The following CELF2 variants were observed in gnomAD, a reference collection of about 807,000 sequenced individuals.
CELF2 encodes the protein CUGBP Elav-like family member 2.
In CELF2, 8 loss-of-function variants were observed where a neutral mutation model predicts 62.6. The ratio of observed to expected loss-of-function variants is 0.13; its 90% CI spans 0.07 to 0.23. The LOEUF (loss-of-function observed/expected upper bound fraction) is 0.23. Among genes scored for constraint, CELF2 ranks in the 10% least tolerant of loss-of-function variants. CELF2 has a pLI of 1.00. For synonymous variants in CELF2, 258 were observed against 250.0 expected (o/e 1.03, Z -0.30); for missense variants, 333 against 671.0 (o/e 0.50, Z 5.56).
chr10:10,830,476 A>T (rs1041056228), intron 1 of CELF2, among the ~76,000 whole-genome samples: 5 of 152,156 alleles, frequency 3.3e-5, no homozygotes, highest in African/African-American at 1.2e-4. Context: ...GTCACCCATA[A>T]TGAAGCCAAG....
intron 1 of CELF2, among the ~76,000 whole-genome samples, chr10:10,910,729 A>C (rs957553583): frequency 8.6e-5 from 13 of 151,852 alleles, no homozygotes; most frequent in Non-Finnish European, 1.8e-4. Context: ...AGAAAAGAAA[A>C]GAAAAAGAAA....
chr10:10,588,832 T>C, the CELF2 span, among the ~76,000 whole-genome samples: 3 of 152,208 alleles, frequency 2.0e-5, no homozygotes, highest in Non-Finnish European at 4.4e-5. Flanking sequence ...CTCTATCCTA[T>C]TCTGGTGTGG....
intron 2 of CELF2, among the ~76,000 whole-genome samples, chr10:11,180,445 C>G (rs1181328783): frequency 6.6e-6 from 1 of 152,134 alleles, no homozygotes; most frequent in South Asian, 2.1e-4. Flanking sequence ...TCAGTGAGGT[C>G]GTGGAGGCAG....
At chr10:10,691,540 G>C in the CELF2 span, among the ~76,000 whole-genome samples, 1 of 151,908 alleles carries the variant, frequency 6.6e-6, no homozygotes, top group African/African-American at 2.4e-5. Context: ...GATGGGCTGG[G>C]TCAAATGGTA....
At chr10:10,757,103 C>T in the CELF2 span, among the ~76,000 whole-genome samples, 1 of 151,818 alleles carries the variant, frequency 6.6e-6, no homozygotes, top group African/African-American at 2.4e-5. Context: ...GATCACACCA[C>T]TGCATTCCAG....
the CELF2 span, among the ~76,000 whole-genome samples, chr10:10,580,664 A>T: frequency 5.3e-5 from 8 of 152,312 alleles, no homozygotes; most frequent in East Asian, 1.5e-3. Flanking sequence ...ATTTTAAGAA[A>T]CTAATACATA....
chr10:10,765,447 T>A, the CELF2 span, among the ~76,000 whole-genome samples: 1 of 152,182 alleles, frequency 6.6e-6, no homozygotes, highest in Admixed American at 6.5e-5. Flanking sequence ...AGGAGGTGGA[T>A]GAGGCTGAGA....
intron 3 of CELF2, among the ~76,000 whole-genome samples, chr10:11,222,050 A>G (rs2065025946): frequency 6.6e-6 from 1 of 152,112 alleles, no homozygotes; most frequent in Admixed American, 6.5e-5. Context: ...CTGCCCTGGA[A>G]GAGATAATGG....
At chr10:11,148,715 A>G (rs1002694101) in intron 1 of CELF2, among the ~76,000 whole-genome samples, 1 of 152,094 alleles carries the variant, frequency 6.6e-6, no homozygotes, top group African/African-American at 2.4e-5. Flanking sequence ...TCCATAATTT[A>G]TTTCACCATT....
intron 1 of CELF2, among the ~76,000 whole-genome samples, chr10:10,909,532 G>C (rs112394804): frequency 0.01 from 1,591 of 152,268 alleles, 24 homozygotes; most frequent in African/African-American, 0.037. Flanking sequence ...CTTCTGCCCT[G>C]GTAGCTCTCA....
intron 2 of CELF2, among the ~76,000 whole-genome samples, chr10:11,200,764 G>A (rs59871222): frequency 7.3e-4 from 111 of 152,312 alleles, no homozygotes; most frequent in African/African-American, 2.2e-3. Flanking sequence ...CTGGGTCAGC[G>A]TTTTGAAACC....
the CELF2 span, among the ~76,000 whole-genome samples, chr10:10,683,094 C>T: frequency 6.6e-6 from 1 of 152,156 alleles, no homozygotes; most frequent in African/African-American, 2.4e-5. Flanking sequence ...AATTAATTTG[C>T]CCTCTTAAAT....
At chr10:10,529,634 A>G in the CELF2 span, among the ~76,000 whole-genome samples, 2 of 138,610 alleles carry the variant, frequency 1.4e-5, no homozygotes, top group Non-Finnish European at 3.0e-5. Context: ...CAGTGAGCCG[A>G]GATTGTGCCA....
At chr10:10,733,213 C>T in the CELF2 span, among the ~76,000 whole-genome samples, 163 of 152,286 alleles carry the variant, frequency 1.1e-3, no homozygotes, top group Non-Finnish European at 2.0e-3. Flanking sequence ...GCCATTGAAG[C>T]GCCCTCCTCT....
At chr10:11,140,287 G>A (rs2061117692) in intron 1 of CELF2, among the ~76,000 whole-genome samples, 2 of 152,164 alleles carry the variant, frequency 1.3e-5, no homozygotes, top group African/African-American at 4.8e-5. Flanking sequence ...TGTCGCCCAT[G>A]TTCGGTGCAG....
the CELF2 span, among the ~76,000 whole-genome samples, chr10:10,595,691 T>C: frequency 6.6e-6 from 1 of 152,112 alleles, no homozygotes; most frequent in South Asian, 2.1e-4. Flanking sequence ...TTAATCTGTT[T>C]GCAATTAAAA....
chr10:11,093,213 T>G (rs900237935), intron 1 of CELF2, among the ~76,000 whole-genome samples: 1 of 151,834 alleles, frequency 6.6e-6, no homozygotes, highest in African/African-American at 2.4e-5. Flanking sequence ...TGTGGGACAT[T>G]TGGTCTGTTC....
intron 1 of CELF2, among the ~76,000 whole-genome samples, chr10:10,834,459 C>T (rs142552900): frequency 6.6e-6 from 1 of 152,224 alleles, no homozygotes; most frequent in East Asian, 1.9e-4. Context: ...CTGAACTTAA[C>T]AAAAAGAATG....
the CELF2 span, among the ~76,000 whole-genome samples, chr10:10,651,110 G>C: frequency 6.8e-6 from 1 of 146,258 alleles, no homozygotes; most frequent in East Asian, 1.9e-4. Context: ...AAGGGGTGAC[G>C]GATGCACCTG....
Sources: gnomAD v4.1 joint callset for allele counts (sites outside exome capture counted in the v4.1 genomes callset) on GRCh38, gnomAD v4.1.1 for gene constraint, MANE v1.5 for transcripts, NCBI Gene and HGNC (gene_info 2026-07-23, HGNC 2026-07-21) for gene names.